Variants in KCNMB2 observed in about 807,000 individuals in gnomAD.
The protein encoded by KCNMB2 is calcium-activated potassium channel subunit beta-2.
A neutral mutation model predicts 24.5 loss-of-function variants in KCNMB2; 9 were observed. The ratio of observed to expected loss-of-function variants is 0.37; its 90% CI spans 0.22 to 0.64. KCNMB2 has a LOEUF of 0.64. Ranked by LOEUF, KCNMB2 falls within the 30% of genes least tolerant of loss-of-function variation. The pLI is 0.63. For missense variants in KCNMB2, 226 were observed against 284.3 expected (o/e 0.79, Z 1.47); for synonymous variants, 109 against 104.4 (o/e 1.04, Z -0.27).
intron 1 of KCNMB2, among the ~76,000 whole-genome samples, chr3:178,668,310 C>CAAT (rs1368009728): frequency 6.6e-6 from 1 of 152,030 alleles, no homozygotes; most frequent in Non-Finnish European, 1.5e-5. Flanking sequence ...GAAGGGTCCA[C>CAAT]AATATTTTCA....
At chr3:178,651,017 T>C (rs756252269) in intron 1 of KCNMB2, among the ~76,000 whole-genome samples, 1 of 152,146 alleles carries the variant, frequency 6.6e-6, no homozygotes, top group Non-Finnish European at 1.5e-5. Context: ...CGATGCCCTC[T>C]CTCACCACTC....
intron 1 of KCNMB2, among the ~76,000 whole-genome samples, chr3:178,605,255 A>G (rs897666771): frequency 1.1e-4 from 17 of 152,312 alleles, no homozygotes; most frequent in African/African-American, 4.1e-4. Flanking sequence ...ACATGAGGAC[A>G]CAACCAGAAG....
At chr3:178,594,450 G>T (rs1717792873) in intron 1 of KCNMB2, among the ~76,000 whole-genome samples, 1 of 152,102 alleles carries the variant, frequency 6.6e-6, no homozygotes, top group South Asian at 2.1e-4. Context: ...GGATTTGCTG[G>T]TGAATTGATG....
intron 2 of KCNMB2, 81 bp downstream of exon 2, chr3:178,807,546 G>A: frequency 8.4e-7 from 1 of 1,193,358 alleles, no homozygotes; most frequent in Non-Finnish European, 1.2e-6. Context: ...GAAAGTAGTA[G>A]GCAACTGAGC....
rs1463877812 is a variant in KCNMB2 at position 178,591,178 on chromosome 3, A to G, written c.-68+54467A>G. On this transcript the variant is annotated intron_variant, in intron 1 of 4. Transcript: ENST00000452583. ...CTCTCATAGTTAGTCCATAGATCTG[A>G]GGACTCCAATGGAAAAAAAACCTCA... Among the ~76,000 whole-genome samples the G allele has an allele frequency of 6.6e-5, 10 of 151,694 alleles. No homozygotes were observed. In the East Asian group the frequency reaches 1.9e-3, roughly 29 times the overall value.
chr3:178,774,681 G>A (rs1054539526), intron 1 of KCNMB2, among the ~76,000 whole-genome samples: 7 of 152,184 alleles, frequency 4.6e-5, no homozygotes, highest in African/African-American at 7.2e-5. Flanking sequence ...AGGCAAAAGC[G>A]TTAGGCTTGC....
chr3:178,672,722 A>G (rs78351046), intron 1 of KCNMB2, among the ~76,000 whole-genome samples: 3,187 of 152,278 alleles, frequency 0.021, 116 homozygotes, highest in African/African-American at 0.073. Context: ...AATGTCTTCA[A>G]TATTTTTACT....
At chr3:178,660,074 C>A (rs140865944) in intron 1 of KCNMB2, among the ~76,000 whole-genome samples, 2 of 152,208 alleles carry the variant, frequency 1.3e-5, no homozygotes, top group Non-Finnish European at 2.9e-5. Flanking sequence ...GCATGAGAGC[C>A]TCATAGCCAA....
intron 2 of KCNMB2, among the ~76,000 whole-genome samples, 176 bp from the exon 3 acceptor site, chr3:178,825,412 G>C (rs776679973): frequency 6.6e-6 from 1 of 152,178 alleles, no homozygotes; most frequent in African/African-American, 2.4e-5. Flanking sequence ...GTGCTTGTGA[G>C]TGTGTGTACA....
At chr3:178,733,062 G>A (rs1018539794) in intron 1 of KCNMB2, among the ~76,000 whole-genome samples, 5 of 152,132 alleles carry the variant, frequency 3.3e-5, no homozygotes, top group Non-Finnish European at 7.4e-5. Flanking sequence ...GTGTATCTTT[G>A]AAATATTCCA....
chr3:178,582,682 A>T (rs554715154), intron 1 of KCNMB2, among the ~76,000 whole-genome samples: 80 of 152,224 alleles, frequency 5.3e-4, no homozygotes, highest in African/African-American at 1.9e-3. Flanking sequence ...AATTTTTTTT[A>T]AAAGTTAATT....
At chr3:178,693,416 A>T (rs1355713066) in intron 1 of KCNMB2, among the ~76,000 whole-genome samples, 1 of 152,208 alleles carries the variant, frequency 6.6e-6, no homozygotes, top group East Asian at 1.9e-4. Flanking sequence ...ATTTTGAGGT[A>T]TGTTCCTTCA....
intron 1 of KCNMB2, among the ~76,000 whole-genome samples, chr3:178,587,853 A>G (rs1400111801): frequency 2.0e-5 from 3 of 150,292 alleles, no homozygotes; most frequent in Non-Finnish European, 4.4e-5. Flanking sequence ...TCATCATTTA[A>G]CATTAGGTAT....
chr3:178,824,026 A>G (rs1035996647), intron 2 of KCNMB2, among the ~76,000 whole-genome samples: 2 of 152,102 alleles, frequency 1.3e-5, no homozygotes, highest in African/African-American at 4.8e-5. Context: ...CCTGCAATCC[A>G]AAGCTCCCTT....
intron 1 of KCNMB2, among the ~76,000 whole-genome samples, chr3:178,657,976 T>C (rs985992707): frequency 3.9e-5 from 6 of 152,202 alleles, no homozygotes; most frequent in African/African-American, 1.4e-4. Flanking sequence ...CACTGCCACA[T>C]TGGGAATCAA....
In KCNMB2 at chr3:178,726,549, T is replaced by C. The variant is rs182545833; in HGVS notation, c.-67-80794T>C. On this transcript the variant is annotated intron_variant, in intron 1 of 4. Transcript: ENST00000452583. ...TCGTTCCTGAAGAATATTTTCACTG[T>C]ATATTGAATTTTGGTTGACAGGTTT... Among the ~76,000 whole-genome samples, 3 of 148,206 alleles carry C rather than the reference T, an allele frequency of 2.0e-5. No individual in the cohort carries two copies. In the Admixed American group the frequency reaches 2.0e-4, roughly 10 times the overall value.
rs1427864124 is a variant in KCNMB2, at chr3:178,567,772, A to T, written c.-68+31061A>T. Among the ~76,000 whole-genome samples, 3 of 152,284 alleles carry T rather than the reference A, an allele frequency of 2.0e-5. No homozygotes were observed. The East Asian group carries it at 5.8e-4, about 29-fold the overall frequency. On this transcript the variant is annotated intron_variant, in intron 1 of 4. Coordinates refer to ENST00000452583, the MANE Select transcript of KCNMB2 (RefSeq NM_181361.3). ...CACACTTTATGTTCTTAATGATGAC[A>T]CTGTTAAAAATAGCAGCTGTGGAGT...
At chr3:178,741,153 C>T (rs1421072755) in intron 1 of KCNMB2, among the ~76,000 whole-genome samples, 1 of 152,176 alleles carries the variant, frequency 6.6e-6, no homozygotes, top group East Asian at 1.9e-4. Context: ...GTCACGTAAA[C>T]AGAGTGTGTT....
At chr3:178,753,288 G>A (rs773721037) in intron 1 of KCNMB2, among the ~76,000 whole-genome samples, 13 of 152,156 alleles carry the variant, frequency 8.5e-5, no homozygotes, top group African/African-American at 4.8e-5. Flanking sequence ...CATTTACCAC[G>A]GGAGGTAGCC....
Sources: gnomAD v4.1 joint callset for allele counts (sites outside exome capture counted in the v4.1 genomes callset) on GRCh38, gnomAD v4.1.1 for gene constraint, MANE v1.5 for transcripts, NCBI Gene and HGNC (gene_info 2026-07-23, HGNC 2026-07-21) for gene names.